Variants in RFT1 observed in about 807,000 individuals in gnomAD.
RFT1 encodes man(5)GlcNAc(2)-PP-dolichol translocation protein RFT1.
In RFT1, 43 loss-of-function variants were observed where a neutral mutation model predicts 62.2. That is an observed-to-expected ratio of 0.69 (90% confidence interval 0.54 to 0.89). The LOEUF (loss-of-function observed/expected upper bound fraction) is 0.89, where lower values mean the gene tolerates loss of function less well. Among genes scored for constraint, RFT1 ranks in the 40% least tolerant of loss-of-function variants. The probability of loss-of-function intolerance (pLI) is 0.00; values close to 1 mark genes in which losing one functional copy is unlikely to be tolerated. For missense variants in RFT1, 605 were observed against 649.9 expected, an observed-to-expected ratio of 0.93 and a Z score of 0.75; for synonymous variants, 262 against 264.6, an observed-to-expected ratio of 0.99 and a Z score of 0.10.
the RFT1 span, among the ~76,000 whole-genome samples, chr3:53,079,875 G>A: frequency 6.6e-6 from 1 of 152,212 alleles, no homozygotes; most frequent in East Asian, 1.9e-4. Context: ...GCAAGTTTCT[G>A]GATCAGCCTG....
At chr3:53,107,761 T>C (rs372951540) in intron 7 of RFT1, among the ~76,000 whole-genome samples, 7 of 152,018 alleles carry the variant, frequency 4.6e-5, no homozygotes, top group African/African-American at 1.7e-4. Flanking sequence ...TTCTCATCTA[T>C]GAAGAAAAAG....
intron 4 of RFT1, 138 bp from the exon 5 acceptor site, chr3:53,121,938 A>G (rs1701981093): frequency 1.4e-6 from 1 of 721,552 alleles, no homozygotes; most frequent in Non-Finnish European, 2.5e-6. Flanking sequence ...AAGTATCAGT[A>G]ACGTTTTACT....
chr3:53,129,704 T>C (rs1351718141), intron 1 of RFT1, among the ~76,000 whole-genome samples: 3 of 152,294 alleles, frequency 2.0e-5, no homozygotes, highest in East Asian at 1.9e-4. Context: ...CAAGATCACA[T>C]AAACAGAAGA....
Position 53,092,495 on chromosome 3 carries a change from C to G in RFT1, c.1332G>C (p.Thr444=). The G allele has an allele frequency of 1.2e-6, 2 of 1,612,362 alleles. No homozygotes were observed. The highest frequency in any genetic ancestry group is 1.7e-6 in the Non-Finnish European group (2 of 1,179,564). Residue 444 remains threonine (T), a synonymous_variant, in exon 12 of 13, where the codon ACG becomes ACC. Coordinates refer to ENST00000296292, the MANE Select transcript of RFT1 (RefSeq NM_052859.4). ...AGCGGTGGATGAAGCAAAGGCTCTG[C>G]GTGATCCGAATGCCCATGTTAAAGC... ...ANCFNMGIRI[T]QSLCFIHRYY...
rs1701020134 is a variant in RFT1 at position 53,092,406 on chromosome 3, G to C, written c.1421C>G (p.Thr474Arg). The change falls in exon 12 of 13, where the codon ACA (threonine) becomes AGA (arginine). Residue 474 changes from threonine to arginine, a missense_variant. By Grantham distance (71) the Thr-to-Arg change is moderately conservative (BLOSUM62 -1). Coordinates refer to ENST00000296292, the MANE Select transcript of RFT1 (RefSeq NM_052859.4). Reference protein sequence around the residue: ...GLHLSPVLLGTFALSGGVTAV... With the variant: ...GLHLSPVLLGRFALSGGVTAV... Reference sequence around the variant, plus strand: ...AGTAACCCCACCACTGAGGGCAAATGTCCCGAGCAGGACTGGCGATAGGTG... The same window carrying C: ...AGTAACCCCACCACTGAGGGCAAATCTCCCGAGCAGGACTGGCGATAGGTG... The C allele has an allele frequency of 6.2e-7, 1 of 1,606,532 alleles. No individual in the cohort carries two copies. The highest frequency in any genetic ancestry group is 1.3e-5 in the African/African-American group (1 of 74,900).
chr3:53,092,092 A>G (rs949220516), intron 12 of RFT1, 22 bp from the exon 13 acceptor site: 20 of 1,614,014 alleles, frequency 1.2e-5, no homozygotes, highest in Non-Finnish European at 1.7e-5. Flanking sequence ...AACCATTGTC[A>G]GTGCCTGTTC....
intron 3 of RFT1, 145 bp downstream of exon 3, chr3:53,123,579 C>T (rs1265240837): frequency 1.7e-5 from 12 of 700,566 alleles, no homozygotes; most frequent in African/African-American, 5.2e-5. Context: ...ACACTGTCCC[C>T]GTCTTGTTGT....
downstream of RFT1, among the ~76,000 whole-genome samples, chr3:53,083,841 A>C (rs1366495152): frequency 6.6e-6 from 1 of 152,248 alleles, no homozygotes; most frequent in African/African-American, 2.4e-5. Context: ...TTCTCTCGTC[A>C]TTAGAGAGAT....
Position 53,091,891 on chromosome 3 carries a change from G to T in RFT1, c.*12C>A. The T allele has an allele frequency of 1.2e-6, 2 of 1,614,012 alleles. No individual in the cohort carries two copies. The highest frequency in any genetic ancestry group is 1.7e-6 in the Non-Finnish European group (2 of 1,179,960). On this transcript the variant is annotated 3_prime_UTR_variant, in exon 13 of 13. Coordinates refer to ENST00000296292, the MANE Select transcript of RFT1 (RefSeq NM_052859.4). ...TGGTCCAGGTGCCTCGGGTGTCCAG[G>T]CTTCCCTGAAGTCATGTCATTTTGT...
rs558364378 is a variant in RFT1 at position 53,093,499 on chromosome 3, C to A, written c.1209-881G>T. ...TGGTTTCCGCCTAGCACCAAGCAGG[C>A]ACTCAAAGTATATAGCTGTTGAGGG... On this transcript the variant is annotated intron_variant, in intron 11 of 12. Transcript: ENST00000296292. Among the ~76,000 whole-genome samples the A allele has an allele frequency of 4.5e-4, 69 of 152,330 alleles. 2 individuals are homozygous for A. In the South Asian group the frequency reaches 0.014, roughly 31 times the overall value.
At chr3:53,076,025 A>G in the RFT1 span, among the ~76,000 whole-genome samples, 1 of 152,190 alleles carries the variant, frequency 6.6e-6, no homozygotes, top group African/African-American at 2.4e-5. Flanking sequence ...AGCATGGGGC[A>G]TCTTACCAGG....
Position 53,111,909 on chromosome 3 carries a change from C to T in RFT1, c.697-1G>A. ...TAGCCTCTTTCCAGTTTATAAACGCCTAGAAGAGAAAACAAAACAAAACAA... is the reference window on the plus strand; with the variant it reads ...TAGCCTCTTTCCAGTTTATAAACGCTTAGAAGAGAAAACAAAACAAAACAA... On this transcript the variant is annotated splice_acceptor_variant, in intron 6 of 12. Coordinates refer to ENST00000296292, the MANE Select transcript of RFT1 (RefSeq NM_052859.4). LOFTEE classifies it high-confidence loss of function. 1.2e-6 allele frequency: 2 copies of T among 1,612,106 alleles called. No homozygotes were observed. The highest frequency in any genetic ancestry group is 1.7e-6 in the Non-Finnish European group (2 of 1,178,970).
intron 9 of RFT1, among the ~76,000 whole-genome samples, chr3:53,105,423 C>A (rs567094186): frequency 1.5e-5 from 2 of 134,326 alleles, no homozygotes; most frequent in Non-Finnish European, 3.2e-5. Context: ...CCGCCCCCCC[C>A]CCCAAAAAGA....
At chr3:53,109,612 C>A (rs1701590528) in intron 7 of RFT1, among the ~76,000 whole-genome samples, 1 of 152,196 alleles carries the variant, frequency 6.6e-6, no homozygotes, top group Non-Finnish European at 1.5e-5. Context: ...GAGTTCAAGA[C>A]CAGTCTGGGC....
the RFT1 span, among the ~76,000 whole-genome samples, chr3:53,076,608 G>A: frequency 6.6e-6 from 1 of 152,160 alleles, no homozygotes; most frequent in Non-Finnish European, 1.5e-5. Flanking sequence ...GGGAGGAAAT[G>A]TATGGAGAGG....
chr3:53,092,802 A>G (rs1701035627), intron 11 of RFT1, among the ~76,000 whole-genome samples, 184 bp from the exon 12 acceptor site: 2 of 152,232 alleles, frequency 1.3e-5, no homozygotes, highest in Admixed American at 6.5e-5. Context: ...CTGAGCAGAA[A>G]GGTAAGAAAC....
chr3:53,073,096 C>T, the RFT1 span, among the ~76,000 whole-genome samples: 49 of 152,302 alleles, frequency 3.2e-4, no homozygotes, highest in East Asian at 8.7e-3. Flanking sequence ...GGCTGTGCCA[C>T]AGGGTTTCAG....
chr3:53,111,571 C>A (rs1456365552), intron 7 of RFT1, among the ~76,000 whole-genome samples: 1 of 152,148 alleles, frequency 6.6e-6, no homozygotes, highest in Non-Finnish European at 1.5e-5. Flanking sequence ...CTCACTGACC[C>A]TTAGTTTCCT....
intron 11 of RFT1, among the ~76,000 whole-genome samples, chr3:53,093,943 G>A (rs1305127432): frequency 3.9e-5 from 6 of 152,180 alleles, no homozygotes; most frequent in Admixed American, 3.3e-4. Flanking sequence ...GAGCCCAGGA[G>A]TTCAAGGCTA....
Sources: allele counts gnomAD v4.1 joint callset (sites outside exome capture counted in the v4.1 genomes callset), GRCh38; gene constraint gnomAD v4.1.1; transcripts MANE v1.5; gene names NCBI Gene and HGNC (gene_info 2026-07-23, HGNC 2026-07-21).